Variants in CRYBG1 observed in about 807,000 individuals in gnomAD.
The protein encoded by CRYBG1 is crystallin beta-gamma domain containing 1.
Under a neutral mutation model 189.2 loss-of-function variants are expected in CRYBG1, and 139 were observed. That is an observed-to-expected ratio of 0.73 (90% CI 0.64 to 0.85). CRYBG1 has a LOEUF of 0.85. Among genes scored for constraint, CRYBG1 ranks in the 40% least tolerant of loss-of-function variants. CRYBG1 has a pLI of 0.00. For missense variants in CRYBG1, 2,611 were observed against 2,675.8 expected (o/e 0.98, Z 0.53); for synonymous variants, 1,023 against 1,017.1 (o/e 1.01, Z -0.11).
chr6:106,374,709 A>G (rs1480975082), intron 1 of CRYBG1, among the ~76,000 whole-genome samples: 1 of 152,232 alleles, frequency 6.6e-6, no homozygotes, highest in Admixed American at 6.5e-5. Flanking sequence ...TAAATTCTCT[A>G]AATGGATGGT....
In CRYBG1 at chr6:106,537,403, A is replaced by G. The variant is rs529327799; in HGVS notation, c.4719-2000A>G. On this transcript the variant is annotated intron_variant, in intron 8 of 21. Coordinates refer to ENST00000633556, the MANE Select transcript of CRYBG1 (RefSeq NM_001371242.2). ...TGCCATTATTTTGTTAGAGAACAAA[A>G]TCCATGGGTACTGTGCCTGTGATAG... 7.2e-5 allele frequency among the ~76,000 whole-genome samples: 11 copies of G among 152,322 alleles called. No homozygotes were observed. The South Asian group carries it at 2.3e-3, about 32-fold the overall frequency.
chr6:106,418,729 G>A (rs1042904772), intron 1 of CRYBG1, among the ~76,000 whole-genome samples: 16 of 152,214 alleles, frequency 1.1e-4, no homozygotes, highest in South Asian at 4.1e-4. Flanking sequence ...GGTAATATCC[G>A]AGGTTTGTTG....
chr6:106,465,250 A>G (rs1772089539), intron 2 of CRYBG1, among the ~76,000 whole-genome samples: 1 of 152,234 alleles, frequency 6.6e-6, no homozygotes, highest in African/African-American at 2.4e-5. Context: ...AGTGCCTGGC[A>G]TATAGAAGAC....
rs1396908322 is a variant in CRYBG1 at position 106,530,227 on chromosome 6, A to T, written c.4630A>T (p.Ile1544Phe). 6.2e-7 allele frequency: 1 copy of T among 1,613,694 alleles called. No homozygotes were observed. The highest frequency in any genetic ancestry group is 1.3e-5 in the African/African-American group (1 of 74,904). The change falls in exon 8 of 22, where the codon ATC becomes TTC. Residue 1544 changes from isoleucine to phenylalanine, a missense_variant. This residue lies in a region of CRYBG1 where 1,622 missense variants were observed against 1,735.0 expected (regional missense o/e 0.93). Transcript: ENST00000633556. ...DLFTEPEGLG[I>F]LSSYFDDTEE... is the part of the protein sequence containing the mutation. The stretch of plus-strand genomic sequence containing the variant: ...ATTTACTGAACCAGAAGGGTTAGGA[A>T]TCCTAAGTTCCTACTTTGATGATAC...
intron 2 of CRYBG1, among the ~76,000 whole-genome samples, chr6:106,482,226 A>C (rs78678492): frequency 0.12 from 17,546 of 146,404 alleles, no homozygotes; most frequent in East Asian, 0.19. Flanking sequence ...ATTGAGAGAG[A>C]CAACCTGTGA....
intron 1 of CRYBG1, among the ~76,000 whole-genome samples, chr6:106,366,717 G>T (rs1227543620): frequency 6.6e-6 from 1 of 152,190 alleles, no homozygotes; most frequent in African/African-American, 2.4e-5. Flanking sequence ...GCTGTAGGAG[G>T]ATTGGATGTT....
intron 8 of CRYBG1, among the ~76,000 whole-genome samples, chr6:106,531,957 T>A (rs1371076766): frequency 6.6e-6 from 1 of 152,216 alleles, no homozygotes; most frequent in African/African-American, 2.4e-5. Flanking sequence ...ACAATATTAA[T>A]TTAAATATCT....
At chr6:106,548,385 CAG>C (rs1364554878) in intron 13 of CRYBG1, among the ~76,000 whole-genome samples, 2 of 152,156 alleles carry the variant, frequency 1.3e-5, no homozygotes, top group Non-Finnish European at 2.9e-5. Context: ...AATTGTTTTC[CAG>C]CTTCAGCTTC....
intron 1 of CRYBG1, among the ~76,000 whole-genome samples, chr6:106,383,311 C>G (rs139004071): frequency 1.4e-4 from 21 of 152,086 alleles, no homozygotes; most frequent in African/African-American, 5.1e-4. Context: ...GTTTGAGAAC[C>G]AAGGATCTAG....
intron 1 of CRYBG1, among the ~76,000 whole-genome samples, chr6:106,416,999 CTTT>C (rs71663353): frequency 1.4e-5 from 1 of 69,496 alleles, no homozygotes; most frequent in African/African-American, 6.4e-5. Context: ...ATGGGATTTA[CTTT>C]TTTTTTTTTT....
intron 6 of CRYBG1, among the ~76,000 whole-genome samples, chr6:106,526,035 G>A (rs979478943): frequency 2.6e-5 from 4 of 152,188 alleles, no homozygotes; most frequent in African/African-American, 9.6e-5. Flanking sequence ...ATTGCCTCTT[G>A]GAGATACACA....
intron 21 of CRYBG1, among the ~76,000 whole-genome samples, chr6:106,568,012 C>A (rs371113544): frequency 6.6e-6 from 1 of 152,190 alleles, no homozygotes; most frequent in Admixed American, 6.5e-5. Flanking sequence ...TGCTGTTCCT[C>A]GATAACCATT....
At chr6:106,561,972 C>T (rs1202203408) in intron 20 of CRYBG1, among the ~76,000 whole-genome samples, 2 of 152,150 alleles carry the variant, frequency 1.3e-5, no homozygotes, top group African/African-American at 4.8e-5. Flanking sequence ...GTCCCTCCTG[C>T]ATCATTCCTA....
At position 106,570,251 on chromosome 6, in the gene CRYBG1, T is replaced by G. The variant is rs1045090587; in HGVS notation, c.*1685T>G. Reference sequence around the variant, plus strand: ...CTCTGGAGTCTATGGTAGGCAATTATGGTCACTGGAATAGTTTGTCTTGTT... The same window carrying G: ...CTCTGGAGTCTATGGTAGGCAATTAGGGTCACTGGAATAGTTTGTCTTGTT... On this transcript the variant is annotated 3_prime_UTR_variant, in exon 22 of 22. Coordinates refer to ENST00000633556, the MANE Select transcript of CRYBG1 (RefSeq NM_001371242.2). 2 of 152,250 alleles carry G rather than the reference T, an allele frequency of 1.3e-5. No homozygotes were observed. The highest frequency in any genetic ancestry group is 2.9e-5 in the Non-Finnish European group (2 of 68,046). 9.4% of individuals were successfully genotyped at this position (152,250 alleles called of 1,614,324 possible). A position where few individuals can be genotyped will look rare whatever the true frequency, so the allele number is the denominator to read the frequency against.
chr6:106,436,645 T>C (rs1309902352), intron 1 of CRYBG1, among the ~76,000 whole-genome samples: 1 of 146,802 alleles, frequency 6.8e-6, no homozygotes, highest in Non-Finnish European at 1.5e-5. Flanking sequence ...TTTGCCCCCA[T>C]GACTTAAAGG....
chr6:106,488,381 A>G (rs1772639157), intron 2 of CRYBG1, among the ~76,000 whole-genome samples: 1 of 152,206 alleles, frequency 6.6e-6, no homozygotes, highest in Admixed American at 6.5e-5. Context: ...TTGCTGCACA[A>G]GATCCCTTCC....
At chr6:106,407,911 A>G (rs1019809127) in intron 1 of CRYBG1, among the ~76,000 whole-genome samples, 3 of 152,234 alleles carry the variant, frequency 2.0e-5, no homozygotes, top group African/African-American at 7.2e-5. Flanking sequence ...AATGCCCACA[A>G]GAGAAAGCAA....
chr6:106,456,774 A>C (rs1771897372), intron 2 of CRYBG1, among the ~76,000 whole-genome samples: 1 of 151,952 alleles, frequency 6.6e-6, no homozygotes, highest in Admixed American at 6.6e-5. Flanking sequence ...CCAATACCCA[A>C]TCTCACCTCG....
At chr6:106,382,207 A>G (rs1431034087) in intron 1 of CRYBG1, among the ~76,000 whole-genome samples, 1 of 152,194 alleles carries the variant, frequency 6.6e-6, no homozygotes, top group Non-Finnish European at 1.5e-5. Context: ...TCAAAATTGC[A>G]GGGCCTAATT....
Sources: gnomAD v4.1 joint callset for allele counts (sites outside exome capture counted in the v4.1 genomes callset) on GRCh38, gnomAD v4.1.1 for gene constraint, gnomAD v4.1.1 regional missense constraint, MANE v1.5 for transcripts, NCBI Gene and HGNC (gene_info 2026-07-23, HGNC 2026-07-21) for gene names.